PCDHGB5: variants seen among roughly 807,000 people sequenced by gnomAD.
The protein encoded by PCDHGB5 is protocadherin gamma-B5.
PCDHGB5 carries 48 observed loss-of-function variants against 62.9 expected under a neutral mutation model. The ratio of observed to expected loss-of-function variants is 0.76; its 90% CI spans 0.61 to 0.97. The LOEUF (loss-of-function observed/expected upper bound fraction) is 0.97. Ranked by LOEUF, PCDHGB5 falls within the 50% of genes least tolerant of loss-of-function variation. The pLI is 0.00. For missense variants in PCDHGB5, 1,118 were observed against 1,198.6 expected (o/e 0.93, Z 0.99); for synonymous variants, 474 against 511.2 (o/e 0.93, Z 0.98).
intron 1 of PCDHGB5, chr5:141,478,196 C>T: frequency 6.2e-7 from 1 of 1,614,068 alleles, no homozygotes; most frequent in Middle Eastern, 1.6e-4. Context: ...CACCTTTTAT[C>T]TACTTCTTTC....
chr5:141,436,973 T>C (rs1209787552), intron 1 of PCDHGB5, among the ~76,000 whole-genome samples: 1 of 152,234 alleles, frequency 6.6e-6, no homozygotes, highest in Non-Finnish European at 1.5e-5. Context: ...TTGTGAAACT[T>C]ATTTTAAAGA....
rs777168071 is a variant in PCDHGB5 at position 141,477,745 on chromosome 5, C to A, written c.2398-17062C>A. The A allele has an allele frequency of 5.0e-6, 8 of 1,613,682 alleles. No homozygotes were observed. The highest frequency in any genetic ancestry group is 6.8e-6 in the Non-Finnish European group (8 of 1,180,042). On this transcript the variant is annotated intron_variant, in intron 1 of 3. Transcript: ENST00000617380. The surrounding 1 kb of genome is among the most constrained non-coding windows in gnomAD (Gnocchi z 4.9). ...TAACAGCTCATATCAGCGATGGGGG[C>A]ACCCCGGTCCTAGCCACCAACATCA...
At chr5:141,495,279 G>T (rs72790069) in intron 2 of PCDHGB5, among the ~76,000 whole-genome samples, 4 of 152,146 alleles carry the variant, frequency 2.6e-5, no homozygotes, top group Non-Finnish European at 5.9e-5. Context: ...CGGAGGAGGC[G>T]GTCCGCACTC....
intron 1 of PCDHGB5, chr5:141,409,876 C>A: frequency 6.2e-7 from 1 of 1,612,874 alleles, no homozygotes. Flanking sequence ...GCAATGACAA[C>A]GCACCGCGGG....
At chr5:141,409,119 C>T (rs1231583978) in intron 1 of PCDHGB5, 8 of 1,613,810 alleles carry the variant, frequency 5.0e-6, no homozygotes, top group Non-Finnish European at 6.8e-6. Flanking sequence ...AATAACCAGT[C>T]ATTTGATTTT....
At chr5:141,421,354 G>T in intron 1 of PCDHGB5, 2 of 1,613,980 alleles carry the variant, frequency 1.2e-6, no homozygotes, top group Non-Finnish European at 1.7e-6. Context: ...GACCGAAAAG[G>T]GCTCCTTCGT....
intron 1 of PCDHGB5, chr5:141,409,877 G>A: frequency 6.2e-7 from 1 of 1,612,860 alleles, no homozygotes; most frequent in Non-Finnish European, 8.5e-7. Context: ...CAATGACAAC[G>A]CACCGCGGGT....
At position 141,403,424 on chromosome 5, in the gene PCDHGB5, A is replaced by G. The variant is rs771429615; in HGVS notation, c.2397+2900A>G. ...AGCACGTTATCCACTTCCAGAAGCT[A>G]TTGATCCGGATGTTGGCGTGAACTC... is the stretch of plus-strand genomic sequence containing the variant. On this transcript the variant is annotated intron_variant, in intron 1 of 3. Transcript: ENST00000617380. The G allele has an allele frequency of 3.1e-6, 5 of 1,613,932 alleles. No homozygotes were observed. In the African/African-American group the frequency reaches 4.0e-5, roughly 13 times the overall value.
intron 1 of PCDHGB5, among the ~76,000 whole-genome samples, chr5:141,457,293 T>A (rs2098916185): frequency 6.6e-6 from 1 of 152,226 alleles, no homozygotes; most frequent in Admixed American, 6.5e-5. Context: ...TTCCTTGGTT[T>A]TATTTTCCCA....
chr5:141,400,565 A>C (rs766459739), intron 1 of PCDHGB5, 41 bp downstream of exon 1: 1 of 1,612,948 alleles, frequency 6.2e-7, no homozygotes, highest in South Asian at 1.1e-5. Flanking sequence ...TTACCCACCC[A>C]ATTTTCTGTA....
chr5:141,501,290 T>TACACATAC (rs1224133816), intron 2 of PCDHGB5, among the ~76,000 whole-genome samples: 1,510 of 136,196 alleles, frequency 0.011, 8 homozygotes, highest in Admixed American at 0.014. Flanking sequence ...TATTCCCTTA[T>TACACATAC]ACACACACAC....
rs2097527384 is a variant in PCDHGB5 at position 141,432,674 on chromosome 5, A to G, written c.2397+32150A>G. 2 of 1,613,856 alleles carry G rather than the reference A, an allele frequency of 1.2e-6. No homozygotes were observed. The highest frequency in any genetic ancestry group is 4.5e-5 in the East Asian group (2 of 44,840). On this transcript the variant is annotated intron_variant, in intron 1 of 3. Coordinates refer to ENST00000617380, the MANE Select transcript of PCDHGB5 (RefSeq NM_018925.3). The surrounding 1 kb of genome is among the most constrained non-coding windows in gnomAD (Gnocchi z 6.0). ...AGCCCTGCTGGACAGAGACGCGCTCAAGCAGAGCCTCGTAGTGGCCGTCCA... is the reference window on the plus strand; with the variant it reads ...AGCCCTGCTGGACAGAGACGCGCTCGAGCAGAGCCTCGTAGTGGCCGTCCA...
chr5:141,456,835 C>T (rs1261094365), intron 1 of PCDHGB5, among the ~76,000 whole-genome samples: 3 of 152,000 alleles, frequency 2.0e-5, no homozygotes, highest in African/African-American at 4.8e-5. Flanking sequence ...TGGTAGTGGG[C>T]GCCTGTAATC....
Position 141,511,703 on chromosome 5 carries a change from T to G in PCDHGB5, c.*530T>G, listed in dbSNP as rs148447880. On this transcript the variant is annotated 3_prime_UTR_variant, in exon 4 of 4. Coordinates refer to ENST00000617380, the MANE Select transcript of PCDHGB5 (RefSeq NM_018925.3). ...AAAGCATGGTTTGGTGCCAGCCCCT[T>G]CACCTCCTTCCAGAGCCCAAGATCA... The G allele has an allele frequency of 1.1e-4, 21 of 189,942 alleles. No homozygotes were observed. In the East Asian group the frequency reaches 2.4e-3, roughly 22 times the overall value. 11.8% of individuals were successfully genotyped at this position (189,942 alleles called of 1,614,324 possible).
At position 141,505,425 on chromosome 5, in the gene PCDHGB5, C is replaced by G; in HGVS notation, c.2489C>G (p.Pro830Arg). 1 of 1,614,178 alleles carries G rather than the reference C, an allele frequency of 6.2e-7. No individual in the cohort carries two copies. Among genetic ancestry groups the G allele is most frequent in the Non-Finnish European group, 8.5e-7 (1 of 1,180,014 alleles). ...SQNGDDTGTW[P>R]NNQFDTEMLQ... ...AATGGCGATGACACCGGCACCTGGC[C>G]CAACAACCAGTTTGACACAGAGATG... The change falls in exon 3 of 4, where the codon CCC becomes CGC. Residue 830 changes from proline to arginine, a missense_variant. Transcript: ENST00000617380.
Position 141,489,806 on chromosome 5 carries a change from A to G in PCDHGB5, c.2398-5001A>G. 1 of 1,614,198 alleles carries G rather than the reference A, an allele frequency of 6.2e-7. No homozygotes were observed. Among genetic ancestry groups the G allele is most frequent in the South Asian group, 1.1e-5 (1 of 91,082 alleles). Reference sequence around the variant, plus strand: ...AATGTGAAGACCCTAAAAGATGGGAAGCCATTCCCAGAGCTGGTGCTAGAG... The same window carrying G: ...AATGTGAAGACCCTAAAAGATGGGAGGCCATTCCCAGAGCTGGTGCTAGAG... On this transcript the variant is annotated intron_variant, in intron 1 of 3. Coordinates refer to ENST00000617380, the MANE Select transcript of PCDHGB5 (RefSeq NM_018925.3). The surrounding 1 kb of genome is among the most constrained non-coding windows in gnomAD (Gnocchi z 4.5).
intron 1 of PCDHGB5, among the ~76,000 whole-genome samples, chr5:141,492,920 G>A (rs2099745093): frequency 6.6e-6 from 1 of 152,198 alleles, no homozygotes; most frequent in African/African-American, 2.4e-5. Context: ...TGTGCCCAGC[G>A]ATCTAGGGTC....
intron 1 of PCDHGB5, among the ~76,000 whole-genome samples, chr5:141,437,922 G>A (rs1039507511): frequency 1.3e-5 from 2 of 152,106 alleles, no homozygotes; most frequent in Admixed American, 6.5e-5. Context: ...ATTTTTAGTA[G>A]AGATGGGGTT....
At position 141,487,760 on chromosome 5, in the gene PCDHGB5, G is replaced by T; in HGVS notation, c.2398-7047G>T. On this transcript the variant is annotated intron_variant, in intron 1 of 3. Transcript: ENST00000617380. The surrounding 1 kb of genome is among the most constrained non-coding windows in gnomAD (Gnocchi z 5.0). Reference sequence around the variant, plus strand: ...TGTAAGAGGTAACTATGTGGTAGACGCTGTGCTTTGTAACTGTTTCGTGAA... The same window carrying T: ...TGTAAGAGGTAACTATGTGGTAGACTCTGTGCTTTGTAACTGTTTCGTGAA... 1 of 1,545,950 alleles carries T rather than the reference G, an allele frequency of 6.5e-7. No individual in the cohort carries two copies. The highest frequency in any genetic ancestry group is 1.4e-5 in the African/African-American group (1 of 73,162).
Sources: gnomAD v4.1 joint callset for allele counts (sites outside exome capture counted in the v4.1 genomes callset) on GRCh38, gnomAD v4.1.1 for gene constraint, Gnocchi (gnomAD v3.1) non-coding constraint, MANE v1.5 for transcripts, NCBI Gene and HGNC (gene_info 2026-07-23, HGNC 2026-07-21) for gene names.